BRF1: variants seen among roughly 807,000 people sequenced by gnomAD.
BRF1 encodes the protein transcription factor IIIB 90 kDa subunit.
Under a neutral mutation model 81.7 loss-of-function variants are expected in BRF1, and 59 were observed. The ratio of observed to expected loss-of-function variants is 0.72; its 90% confidence interval spans 0.59 to 0.90. The LOEUF is 0.90. BRF1 is among the 40% of genes least tolerant of loss of function. BRF1 has a pLI of 0.00. For missense variants in BRF1, 1,050 were observed against 936.3 expected (o/e 1.12, Z -1.58); for synonymous variants, 491 against 395.6 (o/e 1.24, Z -2.86).
At chr14:105,266,219 G>A (rs966716939) in intron 3 of BRF1, among the ~76,000 whole-genome samples, 1 of 152,126 alleles carries the variant, frequency 6.6e-6, no homozygotes, top group Non-Finnish European at 1.5e-5. Context: ...TCCAAGATGA[G>A]AAGATAACTG....
At chr14:105,241,152 C>T (rs1164079400) in intron 6 of BRF1, 113 bp downstream of exon 6, 8 of 1,497,542 alleles carry the variant, frequency 5.3e-6, no homozygotes, top group African/African-American at 1.4e-5. Flanking sequence ...AGGCTGGAGG[C>T]AGCTCTCAGT....
chr14:105,223,754 T>G (rs1459645820), intron 10 of BRF1, among the ~76,000 whole-genome samples: 4 of 152,070 alleles, frequency 2.6e-5, no homozygotes, highest in Non-Finnish European at 4.4e-5. Context: ...AGTTCAGAAA[T>G]CAAAGGGCAC....
At chr14:105,221,282 C>T (rs962340751) in intron 11 of BRF1, among the ~76,000 whole-genome samples, 3 of 152,220 alleles carry the variant, frequency 2.0e-5, no homozygotes, top group African/African-American at 7.2e-5. Context: ...CGCCCAAGCT[C>T]AGCAAGTGAC....
intron 1 of BRF1, among the ~76,000 whole-genome samples, chr14:105,291,146 C>A (rs1322244483): frequency 6.6e-6 from 1 of 152,266 alleles, no homozygotes; most frequent in South Asian, 2.1e-4. Flanking sequence ...CCAAGACTGC[C>A]CCCCTGTGTA....
At chr14:105,247,566 T>C in intron 5 of BRF1, 1 of 985,334 alleles carries the variant, frequency 1.0e-6, no homozygotes, top group South Asian at 4.7e-5. Flanking sequence ...CCAGGGAACA[T>C]TCACTACAAC....
At chr14:105,226,850 T>G in intron 7 of BRF1, 90 bp from the exon 8 acceptor site, 1 of 1,586,768 alleles carries the variant, frequency 6.3e-7, no homozygotes, top group Non-Finnish European at 8.5e-7. Flanking sequence ...GGCTCATGCC[T>G]GTGATCCCAG....
chr14:105,257,042 G>A (rs587736840), intron 3 of BRF1, among the ~76,000 whole-genome samples: 1 of 152,178 alleles, frequency 6.6e-6, no homozygotes, highest in African/African-American at 2.4e-5. Flanking sequence ...TAGACCTGGG[G>A]CCCCCTTGGT....
intron 7 of BRF1, chr14:105,226,984 C>T: frequency 3.8e-6 from 2 of 531,904 alleles, no homozygotes; most frequent in South Asian, 2.2e-5. Flanking sequence ...CATGGTGGTA[C>T]ACACCTGTAG....
At chr14:105,228,244 A>G (rs1030718941) in intron 7 of BRF1, 1 of 152,438 alleles carries the variant, frequency 6.6e-6, no homozygotes, top group Non-Finnish European at 1.5e-5. Context: ...GCAACTTTAC[A>G]CATCACCCTC....
In BRF1 at chr14:105,249,494, T is replaced by C. The variant is rs1224324236; in HGVS notation, c.544+3013A>G. ...TCCTCTTAAAGTAAGTCCACTCTAC[T>C]GGGGAGGGACGGGTGGGTCCGTTTT... On this transcript the variant is annotated intron_variant, in intron 5 of 17. Coordinates refer to ENST00000547530, the MANE Select transcript of BRF1 (RefSeq NM_001519.4). 5.4e-6 allele frequency: 6 copies of C among 1,102,498 alleles called. No individual in the cohort carries two copies. In the African/African-American group the frequency reaches 8.0e-5, roughly 15 times the overall value. The allele number at this position is 1,102,498 out of a possible 1,614,324, so 68.3% of individuals were successfully genotyped here.
intron 4 of BRF1, among the ~76,000 whole-genome samples, chr14:105,255,404 A>C (rs2055819246): frequency 1.3e-5 from 2 of 152,240 alleles, no homozygotes; most frequent in African/African-American, 4.8e-5. Context: ...CCCAGATGCC[A>C]CCTGACACGG....
At chr14:105,262,311 G>A (rs1212420702) in intron 3 of BRF1, among the ~76,000 whole-genome samples, 2 of 152,316 alleles carry the variant, frequency 1.3e-5, no homozygotes, top group African/African-American at 2.4e-5. Flanking sequence ...CTGCTCCTCC[G>A]CCTGGAGGTG....
chr14:105,295,856 A>G (rs1299991779), intron 1 of BRF1, among the ~76,000 whole-genome samples: 1 of 151,822 alleles, frequency 6.6e-6, no homozygotes, highest in Non-Finnish European at 1.5e-5. Flanking sequence ...AGGCAGGTGT[A>G]TCACTTGAGA....
Position 105,209,676 on chromosome 14 carries a change from AG to A in BRF1, c.*874del. On this transcript the variant is annotated 3_prime_UTR_variant, in exon 18 of 18. Transcript: ENST00000547530. ...ATGGGGGGCCTGATCCAGCTCTGAC[AG>A]GGAGCGCCACTGCCCTCTGGCTCTG... 1 of 663,058 alleles carries A rather than the reference AG, an allele frequency of 1.5e-6. No homozygotes were observed. The highest frequency in any genetic ancestry group is 1.6e-5 in the South Asian group (1 of 61,396). The allele number at this position is 663,058 out of a possible 1,614,324, so 41.1% of individuals were successfully genotyped here. A position where few individuals can be genotyped will look rare whatever the true frequency, so the allele number is the denominator to read the frequency against.
rs2054251657 is a variant in BRF1 at position 105,228,921 on chromosome 14, G to A, written c.695-8C>T. The A allele has an allele frequency of 6.2e-7, 1 of 1,613,144 alleles. No homozygotes were observed. Among genetic ancestry groups the A allele is most frequent in the Non-Finnish European group, 8.5e-7 (1 of 1,179,880 alleles). On this transcript the variant is annotated splice_polypyrimidine_tract_variant and splice_region_variant and intron_variant, in intron 6 of 17. Coordinates refer to ENST00000547530, the MANE Select transcript of BRF1 (RefSeq NM_001519.4). ...TGGCTGCAACCAGGAGCGCTGGAAG[G>A]CAACGAGACGGGCCTCGTCAACCAC... is the stretch of plus-strand genomic sequence containing the variant.
At chr14:105,250,902 G>A (rs1327085881) in intron 5 of BRF1, 16 of 560,886 alleles carry the variant, frequency 2.9e-5, no homozygotes, top group South Asian at 1.2e-4. Flanking sequence ...GAAGATTTAC[G>A]GCTCAAGACA....
Position 105,271,297 on chromosome 14 carries a change from C to CT in BRF1, c.439+1423dup, listed in dbSNP as rs1388080179. Among the ~76,000 whole-genome samples the CT allele has an allele frequency of 6.6e-6, 1 of 152,252 alleles. No individual in the cohort carries two copies. Among genetic ancestry groups the CT allele is most frequent in the Non-Finnish European group, 1.5e-5 (1 of 68,050 alleles). On this transcript the variant is annotated intron_variant, in intron 3 of 17. Coordinates refer to ENST00000547530, the MANE Select transcript of BRF1 (RefSeq NM_001519.4). The surrounding 1 kb of genome is among the most constrained non-coding windows in gnomAD (Gnocchi z 5.5). ...AGAGCAAAGGCCTGATGGGCTCACA[C>CT]TGCCGTGAGATTTCTGAACGTGGAG...
At chr14:105,285,350 T>C (rs1238452410) in intron 2 of BRF1, among the ~76,000 whole-genome samples, 1 of 152,192 alleles carries the variant, frequency 6.6e-6, no homozygotes, top group Admixed American at 6.5e-5. Context: ...GATCCAGAAA[T>C]GAGCTTTTAG....
chr14:105,246,868 C>G lies in BRF1; in HGVS notation c.545-5454G>C, dbSNP rs894497497. ...ATGCAGATCAAGACGCTGACTACCT[C>G]TGGCGGCTCAGCAATTCTATCCTGG... On this transcript the variant is annotated intron_variant, in intron 5 of 17. Transcript: ENST00000547530. 4.7e-5 allele frequency: 46 copies of G among 985,516 alleles called. No homozygotes were observed. The African/African-American group carries it at 8.0e-4, about 17-fold the overall frequency. 61.0% of individuals were successfully genotyped at this position (985,516 alleles called of 1,614,324 possible). A position where few individuals can be genotyped will look rare whatever the true frequency, so the allele number is the denominator to read the frequency against.
Sources: allele counts gnomAD v4.1 joint callset (sites outside exome capture counted in the v4.1 genomes callset), GRCh38; gene constraint gnomAD v4.1.1; non-coding constraint Gnocchi (gnomAD v3.1); transcripts MANE v1.5; gene names NCBI Gene and HGNC (gene_info 2026-07-23, HGNC 2026-07-21).